The following ABCA8 variants were observed in gnomAD, a reference collection of about 807,000 sequenced individuals.
ABCA8 encodes ABC-type organic anion transporter ABCA8.
ABCA8 carries 177 observed loss-of-function variants against 192.3 expected under a neutral mutation model. The observed-to-expected ratio is 0.92, with a 90% CI of 0.81 to 1.04. The LOEUF is 1.04. Among genes scored for constraint, ABCA8 ranks in the 50% least tolerant of loss-of-function variants. The pLI is 0.00. For synonymous variants in ABCA8, 642 were observed against 690.2 expected, an observed-to-expected ratio of 0.93 and a Z score of 1.09; for missense variants, 1,915 against 1,904.8, an observed-to-expected ratio of 1.01 and a Z score of -0.10.
chr17:68,885,631 T>C (rs974200476), intron 26 of ABCA8, among the ~76,000 whole-genome samples: 1 of 152,048 alleles, frequency 6.6e-6, no homozygotes, highest in African/African-American at 2.4e-5. Flanking sequence ...CACTGCAGCC[T>C]CAAACTCCTG....
chr17:68,872,934 TA>T (rs1308736879), intron 37 of ABCA8, among the ~76,000 whole-genome samples: 1 of 152,218 alleles, frequency 6.6e-6, no homozygotes, highest in African/African-American at 2.4e-5. Flanking sequence ...GTTAAAAAGT[TA>T]AAAAAATTTT....
In ABCA8 at chr17:68,881,180, T is replaced by A. The variant is rs1263605457; in HGVS notation, c.3978A>T (p.Gly1326=). The part of the protein sequence containing the change: ...GEVLGLLGHN[G]AGKSTSIKVI... ...CCTTAATGGATGTGCTTTTACCAGC[T>A]CCATTGTGTCCTAATAATCCTAAAA... Residue 1326 remains glycine (G), a synonymous_variant, in exon 32 of 40, where the codon GGA becomes GGT. Transcript: ENST00000586539. 1.2e-6 allele frequency: 2 copies of A among 1,613,916 alleles called. No individual in the cohort carries two copies. Among genetic ancestry groups the A allele is most frequent in the South Asian group, 1.1e-5 (1 of 91,082 alleles).
rs557001797 is a variant in ABCA8 at position 68,909,243 on chromosome 17, G to C, written c.2139-1364C>G. Among the ~76,000 whole-genome samples, 8 of 152,282 alleles carry C rather than the reference G, an allele frequency of 5.3e-5. No individual in the cohort carries two copies. In the East Asian group the frequency reaches 1.2e-3, roughly 22 times the overall value. On this transcript the variant is annotated intron_variant, in intron 17 of 39. Coordinates refer to ENST00000586539, the MANE Select transcript of ABCA8 (RefSeq NM_001288985.2). Reference sequence around the variant, plus strand: ...TTGTAAAACTTTTTCTGTAAAATGTGTACTAGATAGTAAATTTTCTAGGCT... The same window carrying C: ...TTGTAAAACTTTTTCTGTAAAATGTCTACTAGATAGTAAATTTTCTAGGCT...
At position 68,929,951 on chromosome 17, in the gene ABCA8, C is replaced by T. The variant is rs532750959; in HGVS notation, c.798-249G>A. 2.2e-4 allele frequency among the ~76,000 whole-genome samples: 30 copies of T among 136,980 alleles called. No individual in the cohort carries two copies. In the South Asian group the frequency reaches 6.1e-3, roughly 28 times the overall value. 89.9% of individuals were successfully genotyped at this position (136,980 alleles called of 152,430 possible). On this transcript the variant is annotated intron_variant, in intron 7 of 39. Coordinates refer to ENST00000586539, the MANE Select transcript of ABCA8 (RefSeq NM_001288985.2). ...AAAATTGATTTCAGAAATACATTCA[C>T]ACACACATGCACATTGTTCTGGGGG...
At chr17:68,930,349 G>C (rs1473794125) in intron 7 of ABCA8, among the ~76,000 whole-genome samples, 1 of 152,162 alleles carries the variant, frequency 6.6e-6, no homozygotes, top group Non-Finnish European at 1.5e-5. Context: ...TCACTGAAAA[G>C]TCTACATACT....
intron 7 of ABCA8, 114 bp downstream of exon 7, chr17:68,932,174 C>G (rs2067910134): frequency 1.3e-6 from 1 of 758,102 alleles, no homozygotes; most frequent in Non-Finnish European, 2.1e-6. Context: ...CACGCCACTG[C>G]ACTCCAGCCT....
chr17:68,918,596 T>A (rs961514567), intron 14 of ABCA8, 50 bp from the exon 15 acceptor site: 48 of 1,427,028 alleles, frequency 3.4e-5, no homozygotes, highest in Admixed American at 5.9e-5. Flanking sequence ...ATTCCTTTTT[T>A]AAAAATTTAT....
chr17:68,919,521 T>A, intron 13 of ABCA8, 45 bp from the exon 14 acceptor site: 2 of 1,501,994 alleles, frequency 1.3e-6, no homozygotes, highest in Non-Finnish European at 9.1e-7. Flanking sequence ...CTTAAGATAT[T>A]TCTTAATAAA....
intron 21 of ABCA8, among the ~76,000 whole-genome samples, chr17:68,901,345 G>T (rs2066905680): frequency 6.6e-6 from 1 of 152,072 alleles, no homozygotes; most frequent in South Asian, 2.1e-4. Flanking sequence ...TACAAAGAAG[G>T]TGTACAATTG....
At chr17:68,941,347 A>C (rs1291088406) in intron 3 of ABCA8, among the ~76,000 whole-genome samples, 1 of 152,124 alleles carries the variant, frequency 6.6e-6, no homozygotes, top group East Asian at 1.9e-4. Context: ...AGGGGAAAAA[A>C]CTTTACGATG....
intron 35 of ABCA8, 123 bp downstream of exon 35, chr17:68,876,337 G>C: frequency 9.6e-7 from 1 of 1,045,462 alleles, no homozygotes; most frequent in South Asian, 1.5e-5. Flanking sequence ...TTTTACAAGT[G>C]ACATTGATAG....
At chr17:68,891,639 A>C (rs775013179) in intron 23 of ABCA8, 43 bp from the exon 24 acceptor site, 2 of 1,452,002 alleles carry the variant, frequency 1.4e-6, no homozygotes, top group East Asian at 4.6e-5. Context: ...GAAGAAATTT[A>C]AAGTTAATTT....
intron 32 of ABCA8, 37 bp downstream of exon 32, chr17:68,881,083 A>G: frequency 7.3e-7 from 1 of 1,361,712 alleles, no homozygotes; most frequent in South Asian, 1.2e-5. Flanking sequence ...AATCTATTTC[A>G]CCATTAGATA....
At chr17:68,904,563 C>T (rs998530308) in intron 19 of ABCA8, among the ~76,000 whole-genome samples, 2 of 151,962 alleles carry the variant, frequency 1.3e-5, no homozygotes, top group Non-Finnish European at 2.9e-5. Context: ...AGAAAACCAC[C>T]ATAGGTAGGT....
chr17:68,868,478 A>T, intron 38 of ABCA8, 122 bp from the exon 39 acceptor site: 4 of 809,198 alleles, frequency 4.9e-6, no homozygotes, highest in Middle Eastern at 3.5e-4. Context: ...ATATTCATTC[A>T]TGTCTTAAGT....
At position 68,887,311 on chromosome 17, in the gene ABCA8, C is replaced by T. The variant is rs769906010; in HGVS notation, c.3315+25G>A. On this transcript the variant is annotated intron_variant, in intron 25 of 39. Coordinates refer to ENST00000586539, the MANE Select transcript of ABCA8 (RefSeq NM_001288985.2). ...CACACAATGATATTGTGAATATTGT[C>T]ACTTACTTGGATATTGTCACTTACT... The T allele has an allele frequency of 7.5e-5, 117 of 1,557,482 alleles. No individual in the cohort carries two copies. The Admixed American group carries it at 2.1e-3, about 28-fold the overall frequency.
At chr17:68,896,115 C>A (rs1216302176) in intron 21 of ABCA8, among the ~76,000 whole-genome samples, 1 of 135,758 alleles carries the variant, frequency 7.4e-6, no homozygotes, top group Non-Finnish European at 1.6e-5. Context: ...TGCTGAAACT[C>A]TCCCTAAATA....
intron 5 of ABCA8, among the ~76,000 whole-genome samples, chr17:68,935,799 C>T (rs2068051279): frequency 6.6e-6 from 1 of 151,940 alleles, no homozygotes; most frequent in Admixed American, 6.6e-5. Flanking sequence ...TACTAATTTA[C>T]ACTTCTACCA....
At chr17:68,908,358 G>A (rs2067143364) in intron 17 of ABCA8, among the ~76,000 whole-genome samples, 1 of 152,172 alleles carries the variant, frequency 6.6e-6, no homozygotes, top group Admixed American at 6.6e-5. Context: ...GTTACTCAAT[G>A]TAGTCATCCA....
Sources: gnomAD v4.1 joint callset for allele counts (sites outside exome capture counted in the v4.1 genomes callset) on GRCh38, gnomAD v4.1.1 for gene constraint, MANE v1.5 for transcripts, NCBI Gene and HGNC (gene_info 2026-07-23, HGNC 2026-07-21) for gene names.